Variants in PDE4D observed in about 807,000 individuals in gnomAD.
PDE4D encodes phosphodiesterase 4D, also known as 3',5'-cyclic-AMP phosphodiesterase 4D.
A neutral mutation model predicts 87.4 loss-of-function variants in PDE4D; 24 were observed. The observed-to-expected ratio is 0.27, with a 90% CI of 0.20 to 0.39. PDE4D has a LOEUF of 0.39. Ranked by LOEUF, PDE4D falls within the 10% of genes least tolerant of loss-of-function variation. The pLI, the probability that PDE4D is intolerant of heterozygous loss-of-function variation, is 1.00. For synonymous variants in PDE4D, 384 were observed against 383.2 expected (o/e 1.00, Z -0.02); for missense variants, 714 against 1,041.0 (o/e 0.69, Z 4.32).
rs1745240659 is a variant in PDE4D at position 60,227,389 on chromosome 5, T to C, written c.-89-41702A>G. Among the ~76,000 whole-genome samples, 3 of 152,140 alleles carry C rather than the reference T, an allele frequency of 2.0e-5. No individual in the cohort carries two copies. The South Asian group carries it at 6.2e-4, about 32-fold the overall frequency. On this transcript the variant is annotated intron_variant, in intron 1 of 16. Coordinates refer to the PDE4D transcript ENST00000502484. ...TTCATACGATTCCCAGAATGTAAGTTCCATGAGGTCAGGGACTTTGTTTTG... is the reference window on the plus strand; with the variant it reads ...TTCATACGATTCCCAGAATGTAAGTCCCATGAGGTCAGGGACTTTGTTTTG...
At chr5:59,003,912 T>C (rs1751036223) in intron 6 of PDE4D, among the ~76,000 whole-genome samples, 1 of 152,028 alleles carries the variant, frequency 6.6e-6, no homozygotes, top group Non-Finnish European at 1.5e-5. Flanking sequence ...ATACCACTTG[T>C]CATTTAAATG....
At chr5:60,093,752 G>T (rs551144775) in intron 2 of PDE4D, among the ~76,000 whole-genome samples, 2 of 150,738 alleles carry the variant, frequency 1.3e-5, no homozygotes, top group East Asian at 4.0e-4. Context: ...TCTCCACTAA[G>T]ATTAATGGTG....
intron 1 of PDE4D, among the ~76,000 whole-genome samples, chr5:59,879,444 A>G (rs1039389973): frequency 2.6e-5 from 4 of 152,238 alleles, no homozygotes; most frequent in African/African-American, 9.6e-5. Flanking sequence ...TTAACTATCT[A>G]CTTAAACAAT....
chr5:59,216,055 G>T, intron 1 of PDE4D, 87 bp from the exon 2 acceptor site: 3 of 886,222 alleles, frequency 3.4e-6, no homozygotes, highest in Non-Finnish European at 5.1e-6. Flanking sequence ...CTGAGGAACT[G>T]ACAGTGGAAT....
intron 1 of PDE4D, among the ~76,000 whole-genome samples, chr5:60,376,079 C>T (rs1583567889): frequency 6.6e-6 from 1 of 152,126 alleles, no homozygotes; most frequent in Non-Finnish European, 1.5e-5. Context: ...ATTTTTACAG[C>T]TTACAACTGT....
At chr5:59,101,595 G>A (rs751286566) in intron 5 of PDE4D, among the ~76,000 whole-genome samples, 2 of 152,146 alleles carry the variant, frequency 1.3e-5, no homozygotes, top group South Asian at 2.1e-4. Flanking sequence ...CATAGGCATG[G>A]TAATATTTAT....
intron 2 of PDE4D, among the ~76,000 whole-genome samples, chr5:60,086,138 A>G (rs181556299): frequency 1.2e-4 from 19 of 152,336 alleles, no homozygotes; most frequent in African/African-American, 4.6e-4. Context: ...TCAACTAGAA[A>G]AAATACATAT....
Position 59,329,163 on chromosome 5 carries a change from G to A in PDE4D, c.456-113195C>T, listed in dbSNP as rs531144840. Among the ~76,000 whole-genome samples, 5 of 152,260 alleles carry A rather than the reference G, an allele frequency of 3.3e-5. No homozygotes were observed. In the South Asian group the frequency reaches 1.0e-3, roughly 32 times the overall value. On this transcript the variant is annotated intron_variant, in intron 1 of 14. Transcript: ENST00000340635. ...ATTTTCCCATAGGCTCCACCCAGTT[G>A]CTTCATTCCATTGATGGATTCAAGG...
intron 1 of PDE4D, among the ~76,000 whole-genome samples, chr5:59,614,137 G>A (rs1829364132): frequency 6.6e-6 from 1 of 152,066 alleles, no homozygotes; most frequent in Non-Finnish European, 1.5e-5. Flanking sequence ...AGTAAGTTCT[G>A]ACCCATTTCT....
intron 2 of PDE4D, among the ~76,000 whole-genome samples, chr5:59,207,304 GA>G (rs1407006991): frequency 6.6e-6 from 1 of 152,140 alleles, no homozygotes; most frequent in African/African-American, 2.4e-5. Context: ...GATAAAGTGA[GA>G]GTACACTAGT....
At chr5:59,058,942 A>C (rs1205768309) in intron 5 of PDE4D, among the ~76,000 whole-genome samples, 3 of 152,206 alleles carry the variant, frequency 2.0e-5, no homozygotes, top group African/African-American at 7.2e-5. Flanking sequence ...TCTCAGGTTA[A>C]ACTGCACCTT....
chr5:59,078,742 TTACCTCAAGTGATC>T (rs1169023391), intron 5 of PDE4D, among the ~76,000 whole-genome samples: 6 of 152,098 alleles, frequency 3.9e-5, no homozygotes, highest in Admixed American at 3.9e-4. Flanking sequence ...CTCGAACTCC[TTACCTCAAGTGATC>T]CACCCACCTC....
rs1192820033 is a variant in PDE4D, at chr5:59,200,118, C to CATGTATGCACACATAT, written c.648-6583_648-6582insATATGTGTGCATACAT. Reference sequence around the variant, plus strand: ...AGACATACATGTATGCACACACATACATGCATGTAGACATACATGTATGTA... The same window carrying CATGTATGCACACATAT: ...AGACATACATGTATGCACACACATACATGTATGCACACATATATGCATGTAGACATACATGTATGTA... On this transcript the variant is annotated intron_variant, in intron 2 of 14. Transcript: ENST00000340635. Among the ~76,000 whole-genome samples the CATGTATGCACACATAT allele has an allele frequency of 5.0e-4, 73 of 146,210 alleles. 1 individual carries two copies. Among genetic ancestry groups the CATGTATGCACACATAT allele is most frequent in the African/African-American group, 1.8e-3 (66 of 37,276 alleles).
intron 1 of PDE4D, among the ~76,000 whole-genome samples, chr5:59,771,668 A>G (rs540399412): frequency 7.9e-5 from 12 of 152,328 alleles, no homozygotes; most frequent in African/African-American, 2.9e-4. Context: ...AACTATTTAC[A>G]TGCTGATCTT....
At chr5:59,199,897 T>C (rs28604386) in intron 2 of PDE4D, among the ~76,000 whole-genome samples, 2 of 151,942 alleles carry the variant, frequency 1.3e-5, no homozygotes, top group Non-Finnish European at 2.9e-5. Context: ...CATGTACATA[T>C]ATACATATAT....
At chr5:59,089,681 C>T (rs1768346258) in intron 5 of PDE4D, among the ~76,000 whole-genome samples, 1 of 152,084 alleles carries the variant, frequency 6.6e-6, no homozygotes, top group Non-Finnish European at 1.5e-5. Flanking sequence ...AAAAGGACCA[C>T]TAGACTAATA....
At chr5:60,433,491 G>A (rs549527927) in intron 1 of PDE4D, among the ~76,000 whole-genome samples, 6 of 152,282 alleles carry the variant, frequency 3.9e-5, no homozygotes, top group Non-Finnish European at 8.8e-5. Flanking sequence ...AATTAGTCCA[G>A]CCACTGTGGA....
At chr5:59,756,797 G>A (rs1468916556) in intron 1 of PDE4D, among the ~76,000 whole-genome samples, 5 of 147,974 alleles carry the variant, frequency 3.4e-5, no homozygotes, top group Non-Finnish European at 7.4e-5. Flanking sequence ...ATTGATGAAT[G>A]TGGAGGTTCT....
chr5:59,303,019 C>G (rs1340266911), intron 1 of PDE4D, among the ~76,000 whole-genome samples: 2 of 152,090 alleles, frequency 1.3e-5, no homozygotes, highest in Non-Finnish European at 2.9e-5. Context: ...GAAGTGTTTC[C>G]TGATCACCCC....
Sources: allele counts gnomAD v4.1 joint callset (sites outside exome capture counted in the v4.1 genomes callset), GRCh38; gene constraint gnomAD v4.1.1; transcripts MANE v1.5; gene names NCBI Gene and HGNC (gene_info 2026-07-23, HGNC 2026-07-21).